The following ATRNL1 variants were observed in gnomAD, a reference collection of about 807,000 sequenced individuals.
ATRNL1 encodes attractin like 1.
Under a neutral mutation model 182.7 loss-of-function variants are expected in ATRNL1, and 95 were observed. The observed-to-expected ratio is 0.52, with a 90% CI of 0.44 to 0.62. ATRNL1 has a LOEUF of 0.62. ATRNL1 is among the 20% of genes least tolerant of loss of function. ATRNL1 has a pLI of 0.00. For missense variants in ATRNL1, 1,471 were observed against 1,679.5 expected (o/e 0.88, Z 2.17); for synonymous variants, 576 against 568.3 (o/e 1.01, Z -0.19).
chr10:115,794,623 C>T (rs1289525789), intron 27 of ATRNL1, among the ~76,000 whole-genome samples: 4 of 152,066 alleles, frequency 2.6e-5, no homozygotes, highest in African/African-American at 7.2e-5. Context: ...ATGATTACAT[C>T]CAGGTAATGT....
At chr10:115,362,207 T>C (rs1182210863) in intron 19 of ATRNL1, among the ~76,000 whole-genome samples, 1 of 152,088 alleles carries the variant, frequency 6.6e-6, no homozygotes, top group Non-Finnish European at 1.5e-5. Flanking sequence ...CAGCATTTCA[T>C]ATTTATTTAT....
rs17093723 is a variant in ATRNL1, at chr10:115,893,186, T to C, written c.4018+45195T>C. Reference sequence around the variant, plus strand: ...ACGGCAAAAGCTGGATTTCAATATCTTAGGCATGAGGTTGAGGGAAATGGG... The same window carrying C: ...ACGGCAAAAGCTGGATTTCAATATCCTAGGCATGAGGTTGAGGGAAATGGG... On this transcript the variant is annotated intron_variant, in intron 28 of 28. Coordinates refer to ENST00000355044, the MANE Select transcript of ATRNL1 (RefSeq NM_207303.4). 2.6e-3 allele frequency among the ~76,000 whole-genome samples: 403 copies of C among 152,286 alleles called. 11 individuals carry two copies. In the East Asian group the frequency reaches 0.032, roughly 12 times the overall value.
rs993116285 is a variant in ATRNL1, at chr10:115,171,251, C to A, written c.1307C>A (p.Ala436Glu). Reference protein sequence around the residue: ...VVMIIIFGYSAIYGYTSSIQE... With the variant: ...VVMIIIFGYSEIYGYTSSIQE... ...ATGATCATAATATTTGGATATTCTG[C>A]AATATATGGTTATACAAGCAGCATA... The change falls in exon 8 of 29, where the codon GCA becomes GAA. Residue 436 changes from alanine to glutamate, a missense_variant. Physicochemically the swap from Ala to Glu is moderately radical, Grantham distance 107. Transcript: ENST00000355044. 1.2e-6 allele frequency: 2 copies of A among 1,608,262 alleles called. No individual in the cohort carries two copies. The highest frequency in any genetic ancestry group is 1.3e-5 in the African/African-American group (1 of 74,838).
chr10:115,108,940 T>C (rs1311054758), intron 1 of ATRNL1, among the ~76,000 whole-genome samples: 1 of 152,194 alleles, frequency 6.6e-6, no homozygotes, highest in Non-Finnish European at 1.5e-5. Flanking sequence ...CTGCTTCATG[T>C]CAAGGATGGC....
At chr10:115,789,518 A>G (rs1259092111) in intron 27 of ATRNL1, among the ~76,000 whole-genome samples, 1 of 152,196 alleles carries the variant, frequency 6.6e-6, no homozygotes, top group Non-Finnish European at 1.5e-5. Context: ...CTACTGCTGA[A>G]AGGGCTCAAC....
rs781954124 is a variant in ATRNL1, at chr10:115,727,285, C to T, written c.3833C>T (p.Pro1278Leu). 6.2e-7 allele frequency: 1 copy of T among 1,613,994 alleles called. No individual in the cohort carries two copies. Among genetic ancestry groups the T allele is most frequent in the African/African-American group, 1.3e-5 (1 of 74,926 alleles). The change falls in exon 27 of 29, where the codon CCC becomes CTC. Residue 1278 changes from proline (P) to leucine (L), a missense_variant. Physicochemically the swap from Pro to Leu is moderately conservative, Grantham distance 98 (BLOSUM62 -3). Around this residue, in one of 3 missense-constraint regions of ATRNL1, gnomAD observed 437 missense variants for 506.0 expected, o/e 0.86. Transcript: ENST00000355044. ...LRERQQMASR[P>L]FASVDVALEV... ...GAACGACAGCAGATGGCCAGCCGTC[C>T]CTTTGCTTCTGTTGATGTAGCTCTG...
At chr10:115,898,319 AAATT>A in intron 28 of ATRNL1, among the ~76,000 whole-genome samples, 1 of 152,332 alleles carries the variant, frequency 6.6e-6, no homozygotes, top group Middle Eastern at 3.4e-3. Context: ...ATTTACTTTA[AAATT>A]AATTAATCAA....
At chr10:115,821,121 T>A (rs868987804) in intron 27 of ATRNL1, among the ~76,000 whole-genome samples, 2 of 152,266 alleles carry the variant, frequency 1.3e-5, no homozygotes, top group African/African-American at 4.8e-5. Flanking sequence ...TGTAGAACTA[T>A]GAGTCAATTA....
intron 24 of ATRNL1, among the ~76,000 whole-genome samples, chr10:115,476,668 A>G (rs4364974): frequency 0.2 from 29,746 of 151,130 alleles, 3,100 homozygotes; most frequent in South Asian, 0.24. Context: ...AACTACTTTC[A>G]GCTCTCCAAA....
intron 28 of ATRNL1, among the ~76,000 whole-genome samples, chr10:115,875,847 T>C (rs1951688141): frequency 6.6e-6 from 1 of 152,034 alleles, no homozygotes; most frequent in Admixed American, 6.6e-5. Flanking sequence ...GGCATGGAGG[T>C]AAAACAAGGG....
intron 26 of ATRNL1, among the ~76,000 whole-genome samples, chr10:115,558,299 T>C (rs1853446824): frequency 6.6e-6 from 1 of 152,138 alleles, no homozygotes; most frequent in African/African-American, 2.4e-5. Flanking sequence ...GGAGGAGGCC[T>C]GAGCAAGCTG....
At position 115,831,153 on chromosome 10, in the gene ATRNL1, G is replaced by A. The variant is rs144605506; in HGVS notation, c.3904-16724G>A. Among the ~76,000 whole-genome samples the A allele has an allele frequency of 2.7e-3, 406 of 152,232 alleles. 4 individuals carry two copies. The highest frequency in any genetic ancestry group is 9.2e-3 in the African/African-American group (384 of 41,546). ...GAAACACGGATGGGCTGGTTGGTTC[G>A]TTGGTATTTCCCGGTTTGCTTCCCT... is the stretch of plus-strand genomic sequence containing the variant. On this transcript the variant is annotated intron_variant, in intron 27 of 28. Coordinates refer to ENST00000355044, the MANE Select transcript of ATRNL1 (RefSeq NM_207303.4).
chr10:115,240,793 A>G (rs926522098), intron 9 of ATRNL1, among the ~76,000 whole-genome samples: 1 of 152,066 alleles, frequency 6.6e-6, no homozygotes, highest in Non-Finnish European at 1.5e-5. Flanking sequence ...ATATATTTAT[A>G]ATATTTTCTC....
At chr10:115,871,873 C>T (rs1358597087) in intron 28 of ATRNL1, among the ~76,000 whole-genome samples, 1 of 152,080 alleles carries the variant, frequency 6.6e-6, no homozygotes, top group East Asian at 1.9e-4. Flanking sequence ...AATATTATGC[C>T]ACTGGGAAAA....
At chr10:115,884,595 C>G (rs1262996051) in intron 28 of ATRNL1, among the ~76,000 whole-genome samples, 3 of 152,146 alleles carry the variant, frequency 2.0e-5, no homozygotes, top group African/African-American at 7.2e-5. Flanking sequence ...ATTCCTGAGT[C>G]GGTACTGCAG....
intron 26 of ATRNL1, among the ~76,000 whole-genome samples, chr10:115,719,237 C>T (rs1947345911): frequency 6.6e-6 from 1 of 152,264 alleles, no homozygotes; most frequent in African/African-American, 2.4e-5. Flanking sequence ...TAAGACTTTA[C>T]AGAAAAATAT....
At chr10:115,758,447 C>T (rs1948648789) in intron 27 of ATRNL1, among the ~76,000 whole-genome samples, 1 of 152,170 alleles carries the variant, frequency 6.6e-6, no homozygotes, top group South Asian at 2.1e-4. Flanking sequence ...CTGGGTATCA[C>T]CAGTGGAGGC....
chr10:115,512,585 T>G (rs982200203), intron 24 of ATRNL1, among the ~76,000 whole-genome samples: 5 of 151,794 alleles, frequency 3.3e-5, no homozygotes, highest in Admixed American at 2.6e-4. Flanking sequence ...TTTTATTGAG[T>G]GCTTTCTATA....
At chr10:115,759,029 T>C (rs879959843) in intron 27 of ATRNL1, among the ~76,000 whole-genome samples, 8 of 152,216 alleles carry the variant, frequency 5.3e-5, no homozygotes, top group Non-Finnish European at 1.2e-4. Context: ...TCATTCAATC[T>C]TTGCAACAGC....
Sources: allele counts gnomAD v4.1 joint callset (sites outside exome capture counted in the v4.1 genomes callset), GRCh38; gene constraint gnomAD v4.1.1; regional missense constraint gnomAD v4.1.1; transcripts MANE v1.5; gene names NCBI Gene and HGNC (gene_info 2026-07-23, HGNC 2026-07-21).